CLIC3: variants seen among roughly 807,000 people sequenced by gnomAD.
The protein encoded by CLIC3 is CLIC family member 3, also known as chloride intracellular channel protein 3.
CLIC3 carries 29 observed loss-of-function variants against 19.9 expected under a neutral mutation model. The observed-to-expected ratio is 1.46, with a 90% CI of 1.09 to 1.99. CLIC3 has a LOEUF of 1.99. Among genes scored for constraint, CLIC3 ranks in the 30% most tolerant of loss-of-function variants. The pLI is 0.00. For synonymous variants in CLIC3, 143 were observed against 156.4 expected (o/e 0.91, Z 0.64); for missense variants, 365 against 342.6 (o/e 1.07, Z -0.52).
At position 136,994,936 on chromosome 9, in the gene CLIC3, G is replaced by A. The variant is rs11145966; in HGVS notation, c.546C>T (p.Ile182=). 2.2e-6 allele frequency: 3 copies of A among 1,333,632 alleles called. No homozygotes were observed. Among genetic ancestry groups the A allele is most frequent in the Non-Finnish European group, 2.0e-6 (2 of 1,022,964 alleles). 82.6% of individuals were successfully genotyped at this position (1,333,632 alleles called of 1,614,324 possible). ...GCCCACCTTCCGTGCTCACGTCGAC[G>A]ATGTGCAGCTTGGGCAGGAGGCTGC... The part of the protein sequence containing the change: ...ADCSLLPKLH[I]VDTVCAHFRQ... The change falls in exon 5 of 6, where the codon ATC becomes ATT. Residue 182 remains isoleucine, a synonymous_variant. Transcript: ENST00000494426.
In CLIC3 at chr9:136,995,536, C is replaced by T. The variant is rs763777358; in HGVS notation, c.175G>A (p.Gly59Ser). ...TAGAGCAGGATGGGCAGCTGCGAGC[C>T]GGGGGCGAAGTCCTTCAGCACGTCC... ...SPDVLKDFAP[G>S]SQLPILLYDS... is the part of the protein sequence containing the mutation. The change falls in exon 3 of 6, where the codon GGC (glycine) becomes AGC (serine). Residue 59 changes from glycine (G) to serine (S), a missense_variant. Gly to Ser is a moderately conservative substitution (Grantham distance 56). Transcript: ENST00000494426. The T allele has an allele frequency of 7.4e-6, 12 of 1,612,442 alleles. No individual in the cohort carries two copies. The highest frequency in any genetic ancestry group is 1.1e-5 in the South Asian group (1 of 91,084).
Position 136,994,723 on chromosome 9 carries a change from G to C in CLIC3, c.669C>G (p.Ala223=). ...KEFKYTCPHS[A]EILAAYRPAV... ...CGGGCCGGTAGGCCGCCAGGATCTC[G>C]GCGCTGTGCGGACACGTGTATTTGA... is the stretch of plus-strand genomic sequence containing the variant. The change falls in exon 6 of 6, where the codon GCC becomes GCG. Residue 223 remains alanine, a synonymous_variant. Transcript: ENST00000494426. 6.2e-7 allele frequency: 1 copy of C among 1,609,896 alleles called. No individual in the cohort carries two copies. The highest frequency in any genetic ancestry group is 8.5e-7 in the Non-Finnish European group (1 of 1,178,776).
Position 136,996,556 on chromosome 9 carries a change from C to CG in CLIC3, c.-14dup. ...TGGTCTCCGCCATGGTGGGAGCTGC[C>CG]GCGGTCAGGCGCGGGTGGGGACCTG... On this transcript the variant is annotated 5_prime_UTR_variant, in exon 1 of 6. Coordinates refer to ENST00000494426, the MANE Select transcript of CLIC3 (RefSeq NM_004669.3). 6.4e-7 allele frequency: 1 copy of CG among 1,552,196 alleles called. No homozygotes were observed. The highest frequency in any genetic ancestry group is 1.2e-5 in the South Asian group (1 of 84,162).
At chr9:136,995,359 C>CA in intron 3 of CLIC3, 67 bp from the exon 4 acceptor site, 1 of 1,609,380 alleles carries the variant, frequency 6.2e-7, no homozygotes, top group South Asian at 1.1e-5. Context: ...ACAGTACCCC[C>CA]ACAGCGCCTT....
In CLIC3 at chr9:136,995,745, C is replaced by T. The variant is rs544773888; in HGVS notation, c.46G>A (p.Gly16Arg). Residue 16 changes from glycine (G) to arginine (R), a missense_variant, in exon 2 of 6, where the codon GGG becomes AGG. By Grantham distance (125) the Gly-to-Arg change is moderately radical (BLOSUM62 -2). Transcript: ENST00000494426. ...LQLFVKASED[G>R]ESVGHCPSCQ... ...GAGGGGCAGTGACCCACGCTCTCCC[C>T]GTCCTCACTCGCCTGGGTGGGTGGA... 1.2e-5 allele frequency: 19 copies of T among 1,564,286 alleles called. No homozygotes were observed. In the African/African-American group the frequency reaches 2.3e-4, roughly 19 times the overall value.
Position 136,995,000 on chromosome 9 carries a change from C to T in CLIC3, c.482G>A (p.Arg161His), listed in dbSNP as rs371960731. The change falls in exon 5 of 6, where the codon CGC becomes CAC. Residue 161 changes from arginine to histidine, a missense_variant. Physicochemically the swap from Arg to His is conservative, Grantham distance 29 (BLOSUM62 0). Coordinates refer to ENST00000494426, the MANE Select transcript of CLIC3 (RefSeq NM_004669.3). ...AGEPQLRESR[R>H]RFLDGDRLTL... ...GAGCCTGTCGCCGTCCAGGAAGCGG[C>T]GGCGGGACTCGCGCAGCTGCGGCTC... The T allele has an allele frequency of 2.2e-4, 325 of 1,504,728 alleles. 6 individuals carry two copies. In the East Asian group the frequency reaches 5.4e-3, roughly 25 times the overall value. The allele number at this position is 1,504,728 out of a possible 1,614,324, so 93.2% of individuals were successfully genotyped here.
rs565889561 is a variant in CLIC3 at position 136,994,649 on chromosome 9, C to G, written c.*32G>C. On this transcript the variant is annotated 3_prime_UTR_variant, in exon 6 of 6. Coordinates refer to ENST00000494426, the MANE Select transcript of CLIC3 (RefSeq NM_004669.3). ...GACACCCTCACTCCCGACAAAGATG[C>G]CTTTATTGGGCGACAGACGCGGGGT... The G allele has an allele frequency of 2.5e-6, 4 of 1,591,232 alleles. No homozygotes were observed. The highest frequency in any genetic ancestry group is 2.3e-5 in the South Asian group (2 of 88,748).
At chr9:136,994,876 C>A (rs748086117) in intron 5 of CLIC3, 37 bp from the exon 6 acceptor site, 1 of 1,494,374 alleles carries the variant, frequency 6.7e-7, no homozygotes, top group Non-Finnish European at 8.9e-7. Context: ...CAGGACCTGC[C>A]GTCCCCCAGG....
chr9:136,995,656 G>A lies in CLIC3; in HGVS notation c.135C>T (p.Asp45=), dbSNP rs1830693344. 6.2e-7 allele frequency: 1 copy of A among 1,610,654 alleles called. No homozygotes were observed. ...KGVPFTLTTV[D]TRRSPDVLKD... The stretch of plus-strand genomic sequence containing the variant: ...ACAGGATGGGGCCTCACCTGCGCGT[G>A]TCCACCGTGGTGAGGGTGAAAGGTA... The change falls in exon 2 of 6, where the codon GAC becomes GAT. Residue 45 remains aspartate (D), a synonymous_variant. Transcript: ENST00000494426.
rs1477094786 is a variant in CLIC3 at position 136,996,533 on chromosome 9, G to T, written c.11C>A (p.Thr4Asn). MAE[T>N]KLQLFVKASE... Reference sequence around the variant, plus strand: ...CACCTTGACAAACAGCTGGAGCTTGGTCTCCGCCATGGTGGGAGCTGCCGC... The same window carrying T: ...CACCTTGACAAACAGCTGGAGCTTGTTCTCCGCCATGGTGGGAGCTGCCGC... Residue 4 changes from threonine (T) to asparagine (N), a missense_variant, in exon 1 of 6, where the codon ACC becomes AAC. Transcript: ENST00000494426. 3.9e-6 allele frequency: 6 copies of T among 1,554,890 alleles called. No individual in the cohort carries two copies. In the South Asian group the frequency reaches 7.1e-5, roughly 18 times the overall value.
chr9:136,995,783 G>C, intron 1 of CLIC3, 26 bp from the exon 2 acceptor site: 2 of 1,457,742 alleles, frequency 1.4e-6, no homozygotes, highest in Non-Finnish European at 9.3e-7. Context: ...GGGGGTGGGG[G>C]GTCAGGGCTG....
chr9:136,996,504 C>T lies in CLIC3; in HGVS notation c.33+7G>A. 1.9e-6 allele frequency: 3 copies of T among 1,554,896 alleles called. No individual in the cohort carries two copies. The highest frequency in any genetic ancestry group is 2.6e-6 in the Non-Finnish European group (3 of 1,148,640). ...ACACCCTCCCCGCAGCTGAGTCCGC[C>T]CTGCACCTTGACAAACAGCTGGAGC... On this transcript the variant is annotated splice_region_variant and intron_variant, in intron 1 of 5. Transcript: ENST00000494426.
rs919118849 is a variant in CLIC3, at chr9:136,994,969, C to A, written c.513G>T (p.Leu171=). The change falls in exon 5 of 6, where the codon CTG becomes CTT. Residue 171 remains leucine, a synonymous_variant. Transcript: ENST00000494426. ...RRFLDGDRLT[L]ADCSLLPKLH... ...GCTTGGGCAGGAGGCTGCAGTCGGC[C>A]AGCGTGAGCCTGTCGCCGTCCAGGA... is the stretch of plus-strand genomic sequence containing the variant. 1 of 1,503,162 alleles carries A rather than the reference C, an allele frequency of 6.7e-7. No individual in the cohort carries two copies. The highest frequency in any genetic ancestry group is 8.8e-7 in the Non-Finnish European group (1 of 1,132,570). 93.1% of individuals were successfully genotyped at this position (1,503,162 alleles called of 1,614,324 possible).
rs1830685341 is a variant in CLIC3, at chr9:136,995,278, G to T, written c.284C>A (p.Ala95Glu). The T allele has an allele frequency of 1.2e-6, 2 of 1,612,598 alleles. No individual in the cohort carries two copies. The highest frequency in any genetic ancestry group is 1.3e-5 in the African/African-American group (1 of 75,042). Reference sequence around the variant, plus strand: ...GGTGTTGGACTCCCTGTAACGAGGCGCCAGGCTGGGGAAGCTGCGGGATGA... The same window carrying T: ...GGTGTTGGACTCCCTGTAACGAGGCTCCAGGCTGGGGAAGCTGCGGGATGA... The part of the protein sequence containing the change: ...TLGPPDFPSL[A>E]PRYRESNTAG... Residue 95 changes from alanine (A) to glutamate (E), a missense_variant, in exon 4 of 6, where the codon GCG becomes GAG. Coordinates refer to ENST00000494426, the MANE Select transcript of CLIC3 (RefSeq NM_004669.3).
In CLIC3 at chr9:136,995,001, G is replaced by C. The variant is rs969745559; in HGVS notation, c.481C>G (p.Arg161Gly). The change falls in exon 5 of 6, where the codon CGC (arginine) becomes GGC (glycine). Residue 161 changes from arginine to glycine, a missense_variant. Physicochemically the swap from Arg to Gly is moderately radical, Grantham distance 125. Transcript: ENST00000494426. The stretch of plus-strand genomic sequence containing the variant: ...AGCCTGTCGCCGTCCAGGAAGCGGC[G>C]GCGGGACTCGCGCAGCTGCGGCTCC... ...AGEPQLRESR[R>G]RFLDGDRLTL... is the part of the protein sequence containing the mutation. 3.3e-6 allele frequency: 5 copies of C among 1,505,770 alleles called. No individual in the cohort carries two copies. The African/African-American group carries it at 4.3e-5, about 13-fold the overall frequency. The allele number at this position is 1,505,770 out of a possible 1,614,324, so 93.3% of individuals were successfully genotyped here.
chr9:136,994,897 T>TCGCCCC, intron 5 of CLIC3, 33 bp downstream of exon 5: 3 of 1,471,244 alleles, frequency 2.0e-6, no homozygotes, highest in South Asian at 1.3e-5. Context: ...CGCGCCGCGG[T>TCGCCCC]CACCCTCCCG....
intron 3 of CLIC3, 42 bp from the exon 4 acceptor site, chr9:136,995,334 C>T (rs757214720): frequency 1.9e-6 from 3 of 1,608,114 alleles, no homozygotes; most frequent in Non-Finnish European, 2.6e-6. Flanking sequence ...CTGGGGGCAG[C>T]CCCGTCCCGG....
intron 1 of CLIC3, among the ~76,000 whole-genome samples, chr9:136,996,028 CT>C: frequency 6.6e-6 from 1 of 152,322 alleles, no homozygotes; most frequent in South Asian, 2.1e-4. Context: ...GGCCAGGCCC[CT>C]GGGCTCAGTC....
At chr9:136,995,336 C>T in intron 3 of CLIC3, 44 bp from the exon 4 acceptor site, 1 of 1,608,870 alleles carries the variant, frequency 6.2e-7, no homozygotes, top group East Asian at 2.2e-5. Flanking sequence ...GGGGGCAGCC[C>T]CGTCCCGGCC....
Sources: gnomAD v4.1 joint callset for allele counts (sites outside exome capture counted in the v4.1 genomes callset) on GRCh38, gnomAD v4.1.1 for gene constraint, MANE v1.5 for transcripts, NCBI Gene and HGNC (gene_info 2026-07-23, HGNC 2026-07-21) for gene names.